NRG1: variants seen among roughly 807,000 people sequenced by gnomAD.
NRG1 encodes pro-neuregulin-1, membrane-bound isoform.
Under a neutral mutation model 63.8 loss-of-function variants are expected in NRG1, and 18 were observed. The observed-to-expected ratio is 0.28, with a 90% CI of 0.19 to 0.42. NRG1 has a LOEUF of 0.42. Among genes scored for constraint, NRG1 ranks in the 10% least tolerant of loss-of-function variants. The pLI, the probability that NRG1 is intolerant of heterozygous loss-of-function variation, is 1.00. For missense variants in NRG1, 762 were observed against 814.7 expected, an observed-to-expected ratio of 0.94 and a Z score of 0.79; for synonymous variants, 302 against 301.3, an observed-to-expected ratio of 1.00 and a Z score of -0.02.
At position 31,692,039 on chromosome 8, in the gene NRG1, C is replaced by T. The variant is rs192125014; in HGVS notation, c.37+52608C>T. 9.2e-5 allele frequency among the ~76,000 whole-genome samples: 14 copies of T among 152,204 alleles called. No homozygotes were observed. In the East Asian group the frequency reaches 1.9e-3, roughly 21 times the overall value. ...GAAGAGATGAGGTCTTGCTATGTTG[C>T]CCAGGCTGGTCTCGAACTTCTGGGC... On this transcript the variant is annotated intron_variant, in intron 1 of 10. Transcript: ENST00000519301.
intron 1 of NRG1, among the ~76,000 whole-genome samples, chr8:32,031,905 A>G (rs1454066449): frequency 1.3e-5 from 2 of 152,140 alleles, no homozygotes; most frequent in Non-Finnish European, 2.9e-5. Context: ...TATCGTGACT[A>G]GTGCTGCAGT....
chr8:31,992,535 G>C (rs1476620596), intron 1 of NRG1, among the ~76,000 whole-genome samples: 1 of 151,940 alleles, frequency 6.6e-6, no homozygotes, highest in Non-Finnish European at 1.5e-5. Flanking sequence ...AGAGTTGAAA[G>C]GATGGAATTT....
At chr8:32,303,313 TGAA>T (rs1386652056) in intron 1 of NRG1, among the ~76,000 whole-genome samples, 1 of 151,848 alleles carries the variant, frequency 6.6e-6, no homozygotes, top group East Asian at 1.9e-4. Flanking sequence ...ACACATATGC[TGAA>T]GAAGCATCAG....
chr8:32,253,097 T>G (rs1420997652), intron 1 of NRG1, among the ~76,000 whole-genome samples: 5 of 152,224 alleles, frequency 3.3e-5, no homozygotes, highest in Non-Finnish European at 7.3e-5. Context: ...GATTTTGGGC[T>G]GAGAAGATGG....
chr8:31,850,209 G>A (rs1827079149), intron 1 of NRG1, among the ~76,000 whole-genome samples: 1 of 152,114 alleles, frequency 6.6e-6, no homozygotes, highest in Non-Finnish European at 1.5e-5. Flanking sequence ...TTTTATAAGT[G>A]TAGGGTAATA....
chr8:32,628,849 C>T (rs983062697), intron 5 of NRG1, among the ~76,000 whole-genome samples: 1 of 151,648 alleles, frequency 6.6e-6, no homozygotes, highest in Admixed American at 6.6e-5. Context: ...TCTCCTGCCT[C>T]AGTCTCCTGA....
intron 1 of NRG1, among the ~76,000 whole-genome samples, chr8:32,260,127 T>A (rs899160248): frequency 3.9e-5 from 6 of 152,136 alleles, no homozygotes; most frequent in Admixed American, 6.6e-5. Context: ...CCACTTCAAA[T>A]GCCTGAACTT....
chr8:32,506,084 TA>T (rs979574625), intron 1 of NRG1, among the ~76,000 whole-genome samples: 5 of 151,846 alleles, frequency 3.3e-5, no homozygotes, highest in Admixed American at 1.3e-4. Flanking sequence ...ACCCTGTCTC[TA>T]AAAAAAATTT....
At chr8:32,272,394 C>A (rs1399917036) in intron 1 of NRG1, among the ~76,000 whole-genome samples, 1 of 152,154 alleles carries the variant, frequency 6.6e-6, no homozygotes, top group Non-Finnish European at 1.5e-5. Context: ...ACCCCACCTC[C>A]AAATATCAAC....
chr8:31,847,276 G>C lies in NRG1; in HGVS notation c.37+207845G>C, dbSNP rs141711790. 2.1e-4 allele frequency among the ~76,000 whole-genome samples: 32 copies of C among 151,938 alleles called. No individual in the cohort carries two copies. In the East Asian group the frequency reaches 6.3e-3, roughly 30 times the overall value. Reference sequence around the variant, plus strand: ...CTATGGGACCCATTCCATTTTCTAAGTTTACCTAAGACTTTAAAAGACATT... The same window carrying C: ...CTATGGGACCCATTCCATTTTCTAACTTTACCTAAGACTTTAAAAGACATT... On this transcript the variant is annotated intron_variant, in intron 1 of 10. Transcript: ENST00000519301.
chr8:31,840,807 G>C (rs922909984), intron 1 of NRG1, among the ~76,000 whole-genome samples: 3 of 152,200 alleles, frequency 2.0e-5, no homozygotes, highest in African/African-American at 7.2e-5. Context: ...GTTAGGTGCA[G>C]TGTAGGACAC....
chr8:32,501,651 A>G (rs545658943), intron 1 of NRG1, among the ~76,000 whole-genome samples: 1 of 152,378 alleles, frequency 6.6e-6, no homozygotes, highest in East Asian at 1.9e-4. Context: ...AAGTGACAAT[A>G]AAAGATTTTC....
intron 7 of NRG1, among the ~76,000 whole-genome samples, chr8:32,751,613 A>C (rs2129050003): frequency 6.6e-6 from 1 of 152,308 alleles, no homozygotes; most frequent in African/African-American, 2.4e-5. Context: ...AATGAGGATA[A>C]GGGTTGTAGT....
chr8:31,949,669 T>C (rs567731463), intron 1 of NRG1, among the ~76,000 whole-genome samples: 235 of 152,320 alleles, frequency 1.5e-3, no homozygotes, highest in Non-Finnish European at 2.6e-3. Context: ...CATTTTAGTT[T>C]CGGTTCTGGG....
chr8:32,650,493 T>C (rs575614072), intron 5 of NRG1, among the ~76,000 whole-genome samples: 9 of 152,090 alleles, frequency 5.9e-5, no homozygotes, highest in Non-Finnish European at 1.3e-4. Context: ...AAATCTTGTA[T>C]TGTAAAAATT....
At chr8:32,423,791 T>C (rs149388595) in intron 1 of NRG1, among the ~76,000 whole-genome samples, 1 of 152,280 alleles carries the variant, frequency 6.6e-6, no homozygotes, top group East Asian at 1.9e-4. Flanking sequence ...TTTCAAATAT[T>C]TGCTTTGCAT....
At chr8:32,587,186 C>G (rs1037520960) in intron 1 of NRG1, among the ~76,000 whole-genome samples, 1 of 151,894 alleles carries the variant, frequency 6.6e-6, no homozygotes, top group Non-Finnish European at 1.5e-5. Flanking sequence ...TGCATTCTAG[C>G]CTGGGTGACA....
intron 5 of NRG1, chr8:32,647,409 C>T (rs1853843954): frequency 1.0e-6 from 1 of 985,250 alleles, no homozygotes; most frequent in Admixed American, 6.1e-5. Flanking sequence ...CCGGCAGCTC[C>T]GTCGATCTAT....
intron 1 of NRG1, among the ~76,000 whole-genome samples, chr8:32,259,659 G>A (rs1339414201): frequency 6.6e-6 from 1 of 152,170 alleles, no homozygotes; most frequent in East Asian, 1.9e-4. Context: ...GTTTTAGTCA[G>A]TGCAAGACTA....
Sources: gnomAD v4.1 joint callset for allele counts (sites outside exome capture counted in the v4.1 genomes callset) on GRCh38, gnomAD v4.1.1 for gene constraint, MANE v1.5 for transcripts, NCBI Gene and HGNC (gene_info 2026-07-23, HGNC 2026-07-21) for gene names.